The following FRRS1 variants were observed in gnomAD, a reference collection of about 807,000 sequenced individuals.
FRRS1 encodes ferric chelate reductase 1.
In FRRS1, 51 loss-of-function variants were observed where a neutral mutation model predicts 70.7. The observed-to-expected ratio is 0.72, with a 90% CI of 0.58 to 0.91. The LOEUF (loss-of-function observed/expected upper bound fraction) is 0.91. Among genes scored for constraint, FRRS1 ranks in the 40% least tolerant of loss-of-function variants. The pLI is 0.00. For synonymous variants in FRRS1, 225 were observed against 238.7 expected, an observed-to-expected ratio of 0.94 and a Z score of 0.53; for missense variants, 672 against 726.0, an observed-to-expected ratio of 0.93 and a Z score of 0.86.
chr1:99,730,822 G>A lies in FRRS1; in HGVS notation c.760-1074C>T, dbSNP rs868114866. ...GTGGAGCTGGCAGTGAGCCGAGATC[G>A]CGCCACTGCACTCCAGCCTGGGCAA... On this transcript the variant is annotated intron_variant, in intron 7 of 16. Coordinates refer to ENST00000646001, the MANE Select transcript of FRRS1 (RefSeq NM_001361041.2). Among the ~76,000 whole-genome samples the A allele has an allele frequency of 1.2e-4, 18 of 147,572 alleles. 1 individual carries two copies. The highest frequency in any genetic ancestry group is 3.8e-4 in the African/African-American group (15 of 39,136).
chr1:99,728,797 G>C (rs1655201875), intron 8 of FRRS1, among the ~76,000 whole-genome samples, 157 bp from the exon 9 acceptor site: 1 of 152,110 alleles, frequency 6.6e-6, no homozygotes, highest in South Asian at 2.1e-4. Context: ...TCTTTGAAGA[G>C]AACAAGAAAC....
intron 1 of FRRS1, 96 bp downstream of exon 1, chr1:99,766,511 C>A (rs1369395089): frequency 6.6e-6 from 1 of 152,210 alleles, no homozygotes; most frequent in Non-Finnish European, 1.5e-5. Context: ...CCCTGGTCAG[C>A]ACAGGCACTC....
intron 7 of FRRS1, among the ~76,000 whole-genome samples, chr1:99,731,710 A>G (rs1403754862): frequency 1.3e-5 from 2 of 152,236 alleles, no homozygotes; most frequent in African/African-American, 4.8e-5. Flanking sequence ...CATATCATCT[A>G]TGGCTGCTTT....
At chr1:99,718,340 T>C (rs1654637052) in intron 10 of FRRS1, among the ~76,000 whole-genome samples, 1 of 152,138 alleles carries the variant, frequency 6.6e-6, no homozygotes, top group South Asian at 2.1e-4. Flanking sequence ...TGTTTTTTGT[T>C]TTTTGGGGGA....
intron 9 of FRRS1, among the ~76,000 whole-genome samples, chr1:99,720,810 T>A (rs1301017877): frequency 1.3e-5 from 2 of 149,548 alleles, no homozygotes; most frequent in African/African-American, 5.0e-5. Flanking sequence ...AAAAAAAGTT[T>A]TTATCATCTT....
chr1:99,730,070 A>G (rs140633088), intron 7 of FRRS1, among the ~76,000 whole-genome samples: 23 of 152,262 alleles, frequency 1.5e-4, no homozygotes, highest in Admixed American at 5.2e-4. Context: ...ATCCAAACCT[A>G]TTTGTATTAT....
At position 99,719,536 on chromosome 1, in the gene FRRS1, T is replaced by C. The variant is rs750386280; in HGVS notation, c.1118A>G (p.His373Arg). 4 of 1,525,066 alleles carry C rather than the reference T, an allele frequency of 2.6e-6. No homozygotes were observed. The highest frequency in any genetic ancestry group is 3.6e-6 in the Non-Finnish European group (4 of 1,099,506). 94.5% of individuals were successfully genotyped at this position (1,525,066 alleles called of 1,614,324 possible). A position where few individuals can be genotyped will look rare whatever the true frequency, so the allele number is the denominator to read the frequency against. ...AAGTAGTTACACATGTAACCTACCA[T>C]GAACCTTCAGAAGGAGTACAGAATG... ...GSHSVLLLKV[H>R]GALMFVAWMT... The change falls in exon 10 of 17, where the codon CAT becomes CGT. Residue 373 changes from histidine to arginine, a missense_variant and splice_region_variant. Transcript: ENST00000646001.
intron 12 of FRRS1, among the ~76,000 whole-genome samples, chr1:99,714,185 CTTTT>C (rs921323480): frequency 2.8e-5 from 4 of 140,658 alleles, no homozygotes; most frequent in African/African-American, 5.2e-5. Context: ...GTCTGGTTTA[CTTTT>C]TTTTTTTTTT....
intron 7 of FRRS1, among the ~76,000 whole-genome samples, 190 bp downstream of exon 7, chr1:99,737,896 C>T (rs941850022): frequency 5.9e-5 from 9 of 152,154 alleles, no homozygotes; most frequent in Non-Finnish European, 8.8e-5. Flanking sequence ...GCGCCCGCCA[C>T]GACGCTAGGC....
chr1:99,765,670 G>A (rs1292413829), intron 1 of FRRS1: 1 of 152,014 alleles, frequency 6.6e-6, no homozygotes, highest in Non-Finnish European at 1.5e-5. Context: ...GGGAGGCGGA[G>A]GCGGGCATAT....
chr1:99,756,287 C>A (rs1656831722), intron 1 of FRRS1, among the ~76,000 whole-genome samples: 1 of 152,062 alleles, frequency 6.6e-6, no homozygotes, highest in Non-Finnish European at 1.5e-5. Flanking sequence ...TTTTAAAAAA[C>A]CAAAAGAGCA....
chr1:99,747,549 AAC>A (rs1452596184), intron 3 of FRRS1, 119 bp from the exon 4 acceptor site: 14 of 930,838 alleles, frequency 1.5e-5, no homozygotes, highest in Non-Finnish European at 2.3e-5. Context: ...CTGGAGAGAA[AAC>A]AGTCATCTTA....
Position 99,747,301 on chromosome 1 carries a change from T to C in FRRS1, c.326A>G (p.Asp109Gly). ...SEVSQLLTCE[D>G]IQGSAVSHRS... ...TCAACTCTAAACACAAACCTGTATATCTTCACAGGTCAAAAGTTGTGACAC... is the reference window on the plus strand; with the variant it reads ...TCAACTCTAAACACAAACCTGTATACCTTCACAGGTCAAAAGTTGTGACAC... Residue 109 changes from aspartate to glycine, a missense_variant, in exon 4 of 17, where the codon GAT becomes GGT. Physicochemically the swap from Asp to Gly is moderately conservative, Grantham distance 94. Coordinates refer to ENST00000646001, the MANE Select transcript of FRRS1 (RefSeq NM_001361041.2). 6.2e-7 allele frequency: 1 copy of C among 1,612,534 alleles called. No individual in the cohort carries two copies.
intron 9 of FRRS1, among the ~76,000 whole-genome samples, chr1:99,723,914 T>A (rs953135599): frequency 6.6e-6 from 1 of 151,932 alleles, no homozygotes; most frequent in Non-Finnish European, 1.5e-5. Context: ...GAAGAGAGTG[T>A]CAAGAAGAAA....
At chr1:99,720,834 A>AC (rs1654780052) in intron 9 of FRRS1, among the ~76,000 whole-genome samples, 1 of 137,238 alleles carries the variant, frequency 7.3e-6, no homozygotes, top group Non-Finnish European at 1.6e-5. Context: ...AGCATTTCCT[A>AC]ACACACACAC....
intron 5 of FRRS1, among the ~76,000 whole-genome samples, chr1:99,741,869 C>T (rs537248401): frequency 6.6e-6 from 1 of 152,300 alleles, no homozygotes; most frequent in South Asian, 2.1e-4. Context: ...GATAGGTATA[C>T]ACTGGTAAAA....
At chr1:99,729,550 T>C in intron 8 of FRRS1, 100 bp downstream of exon 8, 1 of 709,096 alleles carries the variant, frequency 1.4e-6, no homozygotes, top group African/African-American at 1.7e-5. Context: ...GGTGGAACTG[T>C]GGGGGTTGGA....
intron 4 of FRRS1, among the ~76,000 whole-genome samples, chr1:99,744,510 G>C (rs34705125): frequency 0.052 from 7,839 of 152,056 alleles, 290 homozygotes; most frequent in South Asian, 0.17. Context: ...CAAAAGGCCG[G>C]GCGCAGTGGC....
chr1:99,764,224 A>G (rs1168071339), intron 1 of FRRS1, among the ~76,000 whole-genome samples: 2 of 152,226 alleles, frequency 1.3e-5, no homozygotes, highest in African/African-American at 4.8e-5. Context: ...AAACTGCAAA[A>G]TGATATGGAA....
Sources: allele counts gnomAD v4.1 joint callset (sites outside exome capture counted in the v4.1 genomes callset), GRCh38; gene constraint gnomAD v4.1.1; transcripts MANE v1.5; gene names NCBI Gene and HGNC (gene_info 2026-07-23, HGNC 2026-07-21).